ZMIZ1: variants seen among roughly 807,000 people sequenced by gnomAD.
ZMIZ1 encodes zinc finger MIZ domain-containing protein 1.
A neutral mutation model predicts 113.9 loss-of-function variants in ZMIZ1; 17 were observed. The observed-to-expected ratio is 0.15, with a 90% CI of 0.10 to 0.22. The LOEUF (loss-of-function observed/expected upper bound fraction) is 0.22. ZMIZ1 is among the 10% of genes least tolerant of loss of function. The pLI, the probability that ZMIZ1 is intolerant of heterozygous loss-of-function variation, is 1.00. For synonymous variants in ZMIZ1, 607 were observed against 603.1 expected, an observed-to-expected ratio of 1.01 and a Z score of -0.09; for missense variants, 1,059 against 1,477.8, an observed-to-expected ratio of 0.72 and a Z score of 4.65.
At chr10:79,116,606 G>A (rs1844041322) in intron 1 of ZMIZ1, among the ~76,000 whole-genome samples, 1 of 152,152 alleles carries the variant, frequency 6.6e-6, no homozygotes, top group South Asian at 2.1e-4. Context: ...GGCTACAGAG[G>A]CCGGCTGGCC....
chr10:79,082,303 C>T (rs1842685913), intron 1 of ZMIZ1, among the ~76,000 whole-genome samples: 1 of 152,248 alleles, frequency 6.6e-6, no homozygotes, highest in African/African-American at 2.4e-5. Flanking sequence ...CTCTCACTTC[C>T]TGGCTTATAT....
intron 1 of ZMIZ1, among the ~76,000 whole-genome samples, chr10:79,087,567 C>T (rs917945898): frequency 2.0e-5 from 3 of 152,216 alleles, no homozygotes; most frequent in African/African-American, 7.2e-5. Context: ...TCCAGCTTCC[C>T]CTTTTCCATC....
chr10:79,271,212 G>C (rs986204883), intron 7 of ZMIZ1, among the ~76,000 whole-genome samples: 16 of 152,190 alleles, frequency 1.1e-4, no homozygotes, highest in African/African-American at 3.9e-4. Context: ...CAGGCCCTTT[G>C]TCTCACCCTC....
chr10:79,158,362 G>T (rs1439892976), intron 3 of ZMIZ1, among the ~76,000 whole-genome samples: 1 of 152,202 alleles, frequency 6.6e-6, no homozygotes, highest in South Asian at 2.1e-4. Context: ...CTTCTCTGGT[G>T]AGAGCCAATG....
chr10:79,178,710 C>T (rs1214564055), intron 4 of ZMIZ1, among the ~76,000 whole-genome samples: 2 of 152,348 alleles, frequency 1.3e-5, no homozygotes, highest in East Asian at 3.9e-4. Flanking sequence ...CGCATGCTTC[C>T]TTCCCTCCTG....
chr10:79,206,474 C>T (rs1016656262), intron 5 of ZMIZ1, among the ~76,000 whole-genome samples: 5 of 152,196 alleles, frequency 3.3e-5, no homozygotes, highest in Admixed American at 2.6e-4. Flanking sequence ...CCACGTGCAG[C>T]CTAGATACCA....
At chr10:79,237,275 AC>A (rs1002414659) in intron 7 of ZMIZ1, among the ~76,000 whole-genome samples, 12 of 152,358 alleles carry the variant, frequency 7.9e-5, no homozygotes, top group African/African-American at 2.6e-4. Context: ...GGGCTCAGCC[AC>A]AAGGACTTGC....
At chr10:79,243,099 G>GCTC (rs949454526) in intron 7 of ZMIZ1, among the ~76,000 whole-genome samples, 3 of 150,784 alleles carry the variant, frequency 2.0e-5, no homozygotes, top group Non-Finnish European at 3.0e-5. Context: ...TTCCTCCCGC[G>GCTC]CTCCTCCTCC....
intron 1 of ZMIZ1, among the ~76,000 whole-genome samples, chr10:79,114,033 T>G (rs1843876322): frequency 6.6e-6 from 1 of 152,168 alleles, no homozygotes; most frequent in South Asian, 2.1e-4. Flanking sequence ...GAGGCTGACT[T>G]GCCTGCCGGA....
intron 2 of ZMIZ1, among the ~76,000 whole-genome samples, chr10:79,126,635 G>A (rs1287261744): frequency 1.3e-5 from 2 of 152,250 alleles, no homozygotes; most frequent in East Asian, 1.9e-4. Context: ...CCCCCGGGGG[G>A]TTGGAGACGG....
At chr10:79,303,912 G>C in intron 18 of ZMIZ1, 103 bp from the exon 19 acceptor site, 1 of 1,504,178 alleles carries the variant, frequency 6.6e-7, no homozygotes, top group South Asian at 1.2e-5. Context: ...AGGAGAACCA[G>C]GACATGCCCC....
At chr10:79,146,533 A>G (rs1024789130) in intron 3 of ZMIZ1, among the ~76,000 whole-genome samples, 1 of 152,188 alleles carries the variant, frequency 6.6e-6, no homozygotes. Context: ...CATTTATCAC[A>G]GGGACTTCTC....
intron 1 of ZMIZ1, among the ~76,000 whole-genome samples, chr10:79,110,079 G>T (rs1843685793): frequency 6.6e-6 from 1 of 152,252 alleles, no homozygotes; most frequent in Admixed American, 6.5e-5. Context: ...CATGGCCTGG[G>T]CCAGATGCCT....
intron 8 of ZMIZ1, among the ~76,000 whole-genome samples, chr10:79,281,529 C>T (rs1208465879): frequency 6.6e-6 from 1 of 152,242 alleles, no homozygotes; most frequent in Non-Finnish European, 1.5e-5. Context: ...CCTCCATCAC[C>T]ATGGCCTCAG....
Position 79,293,545 on chromosome 10 carries a change from C to T in ZMIZ1, c.1122C>T (p.Gly374=), listed in dbSNP as rs1415722139. 5.0e-6 allele frequency: 8 copies of T among 1,612,382 alleles called. No homozygotes were observed. The highest frequency in any genetic ancestry group is 2.2e-5 in the East Asian group (1 of 44,878). The change falls in exon 12 of 25, where the codon GGC becomes GGT. Residue 374 remains glycine, a synonymous_variant. Coordinates refer to ENST00000334512, the MANE Select transcript of ZMIZ1 (RefSeq NM_020338.4). The part of the protein sequence containing the change: ...PMGMNQPRPP[G]ISPFGTHGQR... The stretch of plus-strand genomic sequence containing the variant: ...GCATGAACCAGCCCCGGCCGCCCGG[C>T]ATCAGCCCCTTTGGCACACACGGGC...
intron 1 of ZMIZ1, among the ~76,000 whole-genome samples, chr10:79,110,338 C>T (rs1169737530): frequency 6.6e-6 from 1 of 152,210 alleles, no homozygotes; most frequent in Non-Finnish European, 1.5e-5. Flanking sequence ...ATTGCGATAC[C>T]GGTGGCCACT....
chr10:79,311,218 G>A, intron 24 of ZMIZ1, 34 bp downstream of exon 24: 2 of 1,575,406 alleles, frequency 1.3e-6, no homozygotes, highest in Non-Finnish European at 1.7e-6. Context: ...TTGGCCTGGG[G>A]CTAGGCCTGG....
At chr10:79,262,189 T>C (rs1851310127) in intron 7 of ZMIZ1, among the ~76,000 whole-genome samples, 1 of 152,238 alleles carries the variant, frequency 6.6e-6, no homozygotes, top group Non-Finnish European at 1.5e-5. Context: ...AGCTCATCCC[T>C]TGGTCTCGAG....
At chr10:79,208,499 A>T (rs1848421183) in intron 6 of ZMIZ1, 50 bp downstream of exon 6, 1 of 1,509,506 alleles carries the variant, frequency 6.6e-7, no homozygotes, top group African/African-American at 1.4e-5. Flanking sequence ...AGGTCAGCTG[A>T]GTGCTAGCGT....
Sources: allele counts gnomAD v4.1 joint callset (sites outside exome capture counted in the v4.1 genomes callset), GRCh38; gene constraint gnomAD v4.1.1; transcripts MANE v1.5; gene names NCBI Gene and HGNC (gene_info 2026-07-23, HGNC 2026-07-21).